Variants in LARP1 observed in about 807,000 individuals in gnomAD.
LARP1 encodes the protein La ribonucleoprotein 1, translational regulator.
Under a neutral mutation model 122.7 loss-of-function variants are expected in LARP1, and 36 were observed. The observed-to-expected ratio is 0.29, with a 90% confidence interval of 0.22 to 0.39. The LOEUF (loss-of-function observed/expected upper bound fraction) is 0.39, where lower values mean the gene tolerates loss of function less well. Ranked by LOEUF, LARP1 falls within the 10% of genes least tolerant of loss-of-function variation. LARP1 has a pLI of 1.00. For synonymous variants in LARP1, 539 were observed against 528.7 expected, an observed-to-expected ratio of 1.02 and a Z score of -0.27; for missense variants, 1,040 against 1,403.6, an observed-to-expected ratio of 0.74 and a Z score of 4.14.
rs1030629747 is a variant in LARP1 at position 154,816,296 on chromosome 5, C to G, written c.*2200C>G. On this transcript the variant is annotated 3_prime_UTR_variant, in exon 19 of 19. Transcript: ENST00000518297. Reference sequence around the variant, plus strand: ...TTTCTTTCCTTCAGGTCACGCAGCCCTGTACTGTATCCAGCACCACAGAAA... The same window carrying G: ...TTTCTTTCCTTCAGGTCACGCAGCCGTGTACTGTATCCAGCACCACAGAAA... The G allele has an allele frequency of 1.3e-5, 2 of 153,406 alleles. No homozygotes were observed. Among genetic ancestry groups the G allele is most frequent in the Admixed American group, 1.3e-4 (2 of 15,310 alleles). The allele number at this position is 153,406 out of a possible 1,614,324, so 9.5% of individuals were successfully genotyped here.
intron 1 of LARP1, chr5:154,756,472 G>A (rs1470390490): frequency 4.1e-6 from 4 of 985,716 alleles, no homozygotes; most frequent in African/African-American, 1.7e-5. Flanking sequence ...CTACCTCGTC[G>A]GCAGAGGGTG....
At chr5:154,783,676 C>T (rs892534149) in intron 1 of LARP1, among the ~76,000 whole-genome samples, 4 of 151,990 alleles carry the variant, frequency 2.6e-5, no homozygotes, top group Admixed American at 2.6e-4. Flanking sequence ...TAAAATGGGA[C>T]CAATGAAAGA....
chr5:154,727,099 TGTG>T (rs1756267672), intron 1 of LARP1, among the ~76,000 whole-genome samples: 2 of 152,094 alleles, frequency 1.3e-5, no homozygotes, highest in Non-Finnish European at 2.9e-5. Context: ...TTATATGAAA[TGTG>T]GTTAAAATTT....
chr5:154,761,705 G>C (rs1323346843), intron 1 of LARP1, among the ~76,000 whole-genome samples: 2 of 152,148 alleles, frequency 1.3e-5, no homozygotes, highest in Non-Finnish European at 2.9e-5. Context: ...TGGGATTCAA[G>C]AAAGGAAGTA....
intron 1 of LARP1, among the ~76,000 whole-genome samples, chr5:154,771,083 G>A (rs901036057): frequency 1.3e-5 from 2 of 149,946 alleles, no homozygotes; most frequent in African/African-American, 4.9e-5. Context: ...CTGCCCTCCA[G>A]CCTGGGCAGC....
At chr5:154,806,250 T>G (rs1432463398) in intron 15 of LARP1, among the ~76,000 whole-genome samples, 1 of 152,230 alleles carries the variant, frequency 6.6e-6, no homozygotes, top group East Asian at 1.9e-4. Context: ...GTTCGTGTTC[T>G]TTGATCTTCC....
At chr5:154,697,446 C>G (rs1055785403) in intron 1 of LARP1, among the ~76,000 whole-genome samples, 2 of 152,172 alleles carry the variant, frequency 1.3e-5, no homozygotes, top group Non-Finnish European at 2.9e-5. Context: ...CACATCCACA[C>G]AAAACCTTGT....
intron 1 of LARP1, among the ~76,000 whole-genome samples, chr5:154,697,370 G>T (rs1399268902): frequency 1.3e-5 from 2 of 152,006 alleles, no homozygotes; most frequent in Non-Finnish European, 2.9e-5. Flanking sequence ...GGAATTATGT[G>T]CGTGTACCTG....
At chr5:154,688,670 A>AAAAG (rs1241635333) in intron 1 of LARP1, among the ~76,000 whole-genome samples, 2 of 151,238 alleles carry the variant, frequency 1.3e-5, no homozygotes, top group African/African-American at 4.9e-5. Context: ...AAAAAAAAAA[A>AAAAG]AAAAAATTAG....
chr5:154,708,280 C>T (rs1298677655), upstream of LARP1, among the ~76,000 whole-genome samples: 2 of 152,194 alleles, frequency 1.3e-5, no homozygotes, highest in African/African-American at 4.8e-5. Flanking sequence ...AATGCAGCCA[C>T]TTTATCTGCC....
At chr5:154,717,970 T>G (rs1755615669) in intron 1 of LARP1, among the ~76,000 whole-genome samples, 1 of 152,242 alleles carries the variant, frequency 6.6e-6, no homozygotes, top group Non-Finnish European at 1.5e-5. Flanking sequence ...CAGGCTGCAG[T>G]GCAGTGGCAC....
chr5:154,763,351 C>T (rs898316090), intron 1 of LARP1, among the ~76,000 whole-genome samples: 6 of 152,040 alleles, frequency 3.9e-5, no homozygotes, highest in African/African-American at 1.2e-4. Context: ...TGTTAGCCAC[C>T]GCGCCTGGCC....
chr5:154,756,089 CG>C lies in LARP1; in HGVS notation c.336del (p.Arg113AlafsTer12). 8.6e-7 allele frequency: 1 copy of C among 1,169,382 alleles called. No homozygotes were observed. The highest frequency in any genetic ancestry group is 1.7e-5 in the South Asian group (1 of 59,728). 72.4% of individuals were successfully genotyped at this position (1,169,382 alleles called of 1,614,324 possible). On this transcript the variant is annotated frameshift_variant, in exon 1 of 19. Coordinates refer to ENST00000518297, the MANE Select transcript of LARP1 (RefSeq NM_033551.3). LOFTEE classifies it high-confidence loss of function. Reference protein sequence around the residue: ...AGGGAAGAAGAGRRDFVEAPP... With the variant: ...AGGGAAGAAGXGRRDFVEAPP... ...GGAGGAGCTGCCGGAGCCGCGGGCG[CG>C]GGGCGCCGGGACTTCGTGGAAGCCC...
At chr5:154,799,455 A>T in intron 8 of LARP1, 136 bp from the exon 9 acceptor site, 1 of 823,746 alleles carries the variant, frequency 1.2e-6, no homozygotes, top group Non-Finnish European at 2.0e-6. Flanking sequence ...GTCGTGGAAG[A>T]TGGTGTCAAT....
chr5:154,793,263 C>T (rs1484468388), intron 4 of LARP1, among the ~76,000 whole-genome samples: 3 of 152,106 alleles, frequency 2.0e-5, no homozygotes, highest in African/African-American at 7.2e-5. Flanking sequence ...CAGCTTAGCT[C>T]TCGTAGGCAG....
chr5:154,714,138 CCAAA>C (rs2113305037), intron 1 of LARP1, among the ~76,000 whole-genome samples: 1 of 152,224 alleles, frequency 6.6e-6, no homozygotes, highest in South Asian at 2.1e-4. Context: ...GTTCTTATGA[CCAAA>C]CAAAGTCTGT....
At position 154,804,292 on chromosome 5, in the gene LARP1, G is replaced by T. The variant is rs184912149; in HGVS notation, c.2531G>T (p.Arg844Leu). The T allele has an allele frequency of 6.2e-7, 1 of 1,613,740 alleles. No homozygotes were observed. The highest frequency in any genetic ancestry group is 2.2e-5 in the East Asian group (1 of 44,876). Residue 844 changes from arginine to leucine, a missense_variant, in exon 14 of 19, where the codon CGT becomes CTT. Arg to Leu is a moderately radical substitution (Grantham distance 102). Around this residue, in one of 8 missense-constraint regions of LARP1, gnomAD observed 26 missense variants for 27.5 expected, o/e 0.94. Coordinates refer to ENST00000518297, the MANE Select transcript of LARP1 (RefSeq NM_033551.3). ...WVMDSREHRP[R>L]TASISSSPSE... Reference sequence around the variant, plus strand: ...ATGGATTCCCGTGAGCACAGGCCCCGTACTGCTTCCATCAGGTACCTGGGG... The same window carrying T: ...ATGGATTCCCGTGAGCACAGGCCCCTTACTGCTTCCATCAGGTACCTGGGG...
intron 14 of LARP1, 135 bp from the exon 15 acceptor site, chr5:154,805,746 C>A: frequency 2.3e-6 from 2 of 878,584 alleles, no homozygotes; most frequent in Non-Finnish European, 3.5e-6. Flanking sequence ...GTTAAAGGTC[C>A]GTAACTGGGC....
chr5:154,731,674 G>C (rs1345934019), intron 1 of LARP1, among the ~76,000 whole-genome samples: 1 of 152,118 alleles, frequency 6.6e-6, no homozygotes, highest in Non-Finnish European at 1.5e-5. Context: ...TGCTGAAAGA[G>C]GTTAAGTAAT....
Sources: gnomAD v4.1 joint callset for allele counts (sites outside exome capture counted in the v4.1 genomes callset) on GRCh38, gnomAD v4.1.1 for gene constraint, gnomAD v4.1.1 regional missense constraint, MANE v1.5 for transcripts, NCBI Gene and HGNC (gene_info 2026-07-23, HGNC 2026-07-21) for gene names.